The following DCUN1D4 variants were observed in gnomAD, a reference collection of about 807,000 sequenced individuals.
DCUN1D4 encodes defective in cullin neddylation 1 domain containing 4.
In DCUN1D4, 22 loss-of-function variants were observed where a neutral mutation model predicts 47.9. The observed-to-expected ratio is 0.46, with a 90% confidence interval of 0.33 to 0.66. The LOEUF (loss-of-function observed/expected upper bound fraction) is 0.66. Among genes scored for constraint, DCUN1D4 ranks in the 30% least tolerant of loss-of-function variants. DCUN1D4 has a pLI of 0.02. For missense variants in DCUN1D4, 301 were observed against 340.8 expected, an observed-to-expected ratio of 0.88 and a Z score of 0.92; for synonymous variants, 121 against 112.2, an observed-to-expected ratio of 1.08 and a Z score of -0.50.
intron 1 of DCUN1D4, chr4:51,848,219 G>C (rs1340398887): frequency 4.7e-6 from 6 of 1,289,240 alleles, no homozygotes; most frequent in Non-Finnish European, 6.1e-6. Context: ...CAGTTTTAGA[G>C]AATGTGGCGT....
At chr4:51,863,850 G>T (rs1169750685) in intron 3 of DCUN1D4, 141 bp downstream of exon 3, 2 of 847,822 alleles carry the variant, frequency 2.4e-6, no homozygotes, top group East Asian at 5.7e-5. Context: ...TTTTCAGGGA[G>T]TAATGAAGGC....
At chr4:51,901,129 G>A (rs1367610341) in intron 8 of DCUN1D4, among the ~76,000 whole-genome samples, 1 of 151,966 alleles carries the variant, frequency 6.6e-6, no homozygotes, top group Non-Finnish European at 1.5e-5. Flanking sequence ...ACATCACTAG[G>A]GTGTCATTCG....
At chr4:51,891,885 C>T in intron 7 of DCUN1D4, 34 bp downstream of exon 7, 1 of 1,526,612 alleles carries the variant, frequency 6.6e-7, no homozygotes, top group Non-Finnish European at 9.0e-7. Context: ...GGGGTCCCTG[C>T]CCTTCCCAGG....
At chr4:51,834,103 C>CTTTCTTTTTT in the DCUN1D4 span, among the ~76,000 whole-genome samples, 1 of 42,574 alleles carries the variant, frequency 2.3e-5, no homozygotes, top group Non-Finnish European at 4.1e-5. Flanking sequence ...TTTCTTCTTT[C>CTTTCTTTTTT]TTTTTTTTTT....
At chr4:51,878,394 AAAAG>A (rs1002257174) in intron 5 of DCUN1D4, among the ~76,000 whole-genome samples, 1 of 152,194 alleles carries the variant, frequency 6.6e-6, no homozygotes, top group African/African-American at 2.4e-5. Flanking sequence ...GTAAAAAAGA[AAAAG>A]AAAAAATTTT....
chr4:51,876,843 C>G (rs1727787344), intron 4 of DCUN1D4, among the ~76,000 whole-genome samples: 1 of 152,064 alleles, frequency 6.6e-6, no homozygotes, highest in South Asian at 2.1e-4. Flanking sequence ...TTTTCATATT[C>G]TTACATACTA....
In DCUN1D4 at chr4:51,843,202, G is replaced by C. The variant is rs1456035595; in HGVS notation, c.-41G>C. The stretch of plus-strand genomic sequence containing the variant: ...CTGGTGGGGGGACCGCGAGGCGAGC[G>C]CGGGAGCCTGGGCGGCGAGCCGGGT... On this transcript the variant is annotated 5_prime_UTR_variant, in exon 1 of 11. Transcript: ENST00000334635. 1 of 1,538,586 alleles carries C rather than the reference G, an allele frequency of 6.5e-7. No individual in the cohort carries two copies. Among genetic ancestry groups the C allele is most frequent in the East Asian group, 2.5e-5 (1 of 39,958 alleles).
intron 4 of DCUN1D4, among the ~76,000 whole-genome samples, chr4:51,876,634 T>A (rs922789280): frequency 3.3e-5 from 5 of 152,222 alleles, no homozygotes; most frequent in Middle Eastern, 6.8e-3. Context: ...CAAGTCTACT[T>A]CTGTGGATTT....
At chr4:51,895,558 TTAAAAAAA>T (rs1731118499) in intron 7 of DCUN1D4, among the ~76,000 whole-genome samples, 2 of 27,724 alleles carry the variant, frequency 7.2e-5, no homozygotes, top group Admixed American at 6.6e-4. Context: ...GTGCTTAAAC[TTAAAAAAA>T]AAAAAAAAAA....
chr4:51,902,330 T>A (rs1732244075), intron 8 of DCUN1D4, among the ~76,000 whole-genome samples: 1 of 152,206 alleles, frequency 6.6e-6, no homozygotes, highest in East Asian at 1.9e-4. Flanking sequence ...CTTCCTGATT[T>A]CTACTTGTTC....
intron 1 of DCUN1D4, among the ~76,000 whole-genome samples, chr4:51,855,494 A>G (rs1724000428): frequency 6.6e-6 from 1 of 152,194 alleles, no homozygotes; most frequent in African/African-American, 2.4e-5. Context: ...GACATCTCTG[A>G]TGAGGTGACA....
At chr4:51,867,707 A>G (rs1726183911) in intron 3 of DCUN1D4, among the ~76,000 whole-genome samples, 1 of 152,196 alleles carries the variant, frequency 6.6e-6, no homozygotes, top group Non-Finnish European at 1.5e-5. Flanking sequence ...TGATTGGTCC[A>G]TGGGCAGCCA....
chr4:51,843,952 G>A (rs1010151722), intron 1 of DCUN1D4, among the ~76,000 whole-genome samples: 1 of 150,822 alleles, frequency 6.6e-6, no homozygotes. Context: ...GAGTCCTGCG[G>A]GGCGGGAGGG....
Position 51,893,562 on chromosome 4 carries a change from G to A in DCUN1D4, c.506+1711G>A, listed in dbSNP as rs1220069066. Among the ~76,000 whole-genome samples, 6 of 152,064 alleles carry A rather than the reference G, an allele frequency of 3.9e-5. No individual in the cohort carries two copies. The South Asian group carries it at 1.2e-3, about 31-fold the overall frequency. ...TGCCCCAGCTTCCCCGAGTAGCTGG[G>A]ATTACAAGCAGACACCGCCACGCCC... On this transcript the variant is annotated intron_variant, in intron 7 of 10. Coordinates refer to ENST00000334635, the MANE Select transcript of DCUN1D4 (RefSeq NM_001040402.3).
Position 51,914,823 on chromosome 4 carries a change from C to CTTTTTTTTTTT in DCUN1D4, c.*1248_*1258dup, listed in dbSNP as rs71193045. On this transcript the variant is annotated 3_prime_UTR_variant, in exon 11 of 11. Transcript: ENST00000334635. ...GTATTTTTAGGTTTGTATTTTATGTCTTTTTTTTTTTTTTTTTTTGCCATT... is the reference window on the plus strand; with the variant it reads ...GTATTTTTAGGTTTGTATTTTATGTCTTTTTTTTTTTTTTTTTTTTTTTTTTTTTTGCCATT... 2 of 117,662 alleles carry CTTTTTTTTTTT rather than the reference C, an allele frequency of 1.7e-5. No homozygotes were observed. The highest frequency in any genetic ancestry group is 3.4e-5 in the Non-Finnish European group (2 of 59,166). The allele number at this position is 117,662 out of a possible 1,614,324, so 7.3% of individuals were successfully genotyped here. A position where few individuals can be genotyped will look rare whatever the true frequency, so the allele number is the denominator to read the frequency against.
At chr4:51,857,090 G>A (rs1317156885) in intron 1 of DCUN1D4, among the ~76,000 whole-genome samples, 1 of 152,188 alleles carries the variant, frequency 6.6e-6, no homozygotes, top group Non-Finnish European at 1.5e-5. Context: ...TGGAAACTGA[G>A]ACCAACAGAG....
chr4:51,853,688 T>G (rs1723700041), intron 1 of DCUN1D4, among the ~76,000 whole-genome samples: 1 of 152,140 alleles, frequency 6.6e-6, no homozygotes, highest in Admixed American at 6.5e-5. Flanking sequence ...TTGATCTGGA[T>G]TGGGGCCCTG....
At chr4:51,858,560 A>G (rs1724508805) in intron 1 of DCUN1D4, among the ~76,000 whole-genome samples, 1 of 152,240 alleles carries the variant, frequency 6.6e-6, no homozygotes, top group Admixed American at 6.5e-5. Context: ...AATTTGTTCT[A>G]CATGCTGACC....
At chr4:51,844,932 G>A in intron 1 of DCUN1D4, 2 of 985,574 alleles carry the variant, frequency 2.0e-6, no homozygotes, top group Non-Finnish European at 2.4e-6. Flanking sequence ...GCTCTCGGGA[G>A]GCGGTTGAGT....
Sources: gnomAD v4.1 joint callset for allele counts (sites outside exome capture counted in the v4.1 genomes callset) on GRCh38, gnomAD v4.1.1 for gene constraint, MANE v1.5 for transcripts, NCBI Gene and HGNC (gene_info 2026-07-23, HGNC 2026-07-21) for gene names.